Variants in ABLIM1 observed in about 807,000 individuals in gnomAD.
ABLIM1 encodes the protein actin binding LIM protein 1.
A neutral mutation model predicts 107.0 loss-of-function variants in ABLIM1; 40 were observed. The observed-to-expected ratio is 0.37, with a 90% confidence interval of 0.29 to 0.49. The LOEUF is 0.49. ABLIM1 is among the 20% of genes least tolerant of loss of function. ABLIM1 has a pLI of 0.97. For missense variants in ABLIM1, 857 were observed against 1,008.5 expected (o/e 0.85, Z 2.04); for synonymous variants, 357 against 357.3 (o/e 1.00, Z 0.01).
intron 1 of ABLIM1, among the ~76,000 whole-genome samples, chr10:114,762,787 C>T (rs2082778690): frequency 6.6e-6 from 1 of 152,014 alleles, no homozygotes; most frequent in Non-Finnish European, 1.5e-5. Flanking sequence ...TTCTAAAACA[C>T]ACTCTTTTCA....
At chr10:114,745,314 ACTTT>A in intron 1 of ABLIM1, among the ~76,000 whole-genome samples, 2 of 152,344 alleles carry the variant, frequency 1.3e-5, no homozygotes, top group East Asian at 3.9e-4. Context: ...TAATCCTAGC[ACTTT>A]GGGAGGCCAA....
intron 1 of ABLIM1, among the ~76,000 whole-genome samples, chr10:114,635,259 G>C (rs763230160): frequency 2.0e-5 from 3 of 152,224 alleles, no homozygotes; most frequent in Non-Finnish European, 2.9e-5. Flanking sequence ...AAACCATTTT[G>C]TTGGAGAGAA....
chr10:114,574,926 A>G (rs1286056875), intron 3 of ABLIM1, among the ~76,000 whole-genome samples: 1 of 152,214 alleles, frequency 6.6e-6, no homozygotes, highest in East Asian at 1.9e-4. Context: ...GCGTGGAAGC[A>G]GCTATAGGCC....
At chr10:114,646,956 G>A (rs1330494974) in intron 1 of ABLIM1, among the ~76,000 whole-genome samples, 1 of 152,020 alleles carries the variant, frequency 6.6e-6, no homozygotes, top group African/African-American at 2.4e-5. Flanking sequence ...TGACCTCAAA[G>A]ATTAGACAGT....
At chr10:114,495,430 G>A (rs772979236) in intron 6 of ABLIM1, among the ~76,000 whole-genome samples, 3 of 151,410 alleles carry the variant, frequency 2.0e-5, no homozygotes. Flanking sequence ...GATGGTGAGT[G>A]GTGCTGGGGT....
chr10:114,580,958 C>T (rs1459157573), intron 2 of ABLIM1, among the ~76,000 whole-genome samples: 5 of 152,152 alleles, frequency 3.3e-5, no homozygotes, highest in African/African-American at 1.2e-4. Context: ...TTGCTTTCTT[C>T]TGATCAATTA....
chr10:114,623,421 T>C (rs180971281), intron 1 of ABLIM1, among the ~76,000 whole-genome samples: 79 of 152,346 alleles, frequency 5.2e-4, no homozygotes, highest in African/African-American at 1.9e-3. Flanking sequence ...ATGGCTTTGT[T>C]TCATCCTGCT....
chr10:114,592,989 G>T (rs906502928), intron 2 of ABLIM1, among the ~76,000 whole-genome samples: 5 of 152,144 alleles, frequency 3.3e-5, no homozygotes, highest in Admixed American at 2.6e-4. Flanking sequence ...AATTGTCAGG[G>T]AACAGATGGT....
At chr10:114,595,410 G>A (rs544336106) in intron 2 of ABLIM1, among the ~76,000 whole-genome samples, 83 of 152,186 alleles carry the variant, frequency 5.5e-4, no homozygotes, top group African/African-American at 1.9e-3. Flanking sequence ...TTGTTTTCAG[G>A]TTTCTTATTC....
chr10:114,741,327 G>A (rs974068053), intron 1 of ABLIM1, among the ~76,000 whole-genome samples: 4 of 136,464 alleles, frequency 2.9e-5, no homozygotes, highest in African/African-American at 1.1e-4. Context: ...TCAGGTTCAT[G>A]CCATTCTCCT....
the ABLIM1 span, among the ~76,000 whole-genome samples, chr10:114,791,426 C>G: frequency 6.6e-6 from 1 of 152,112 alleles, no homozygotes; most frequent in African/African-American, 2.4e-5. Context: ...ATCACGAGGT[C>G]AGGAGATCGA....
chr10:114,685,507 A>C (rs1302237154), upstream of ABLIM1, among the ~76,000 whole-genome samples: 3 of 152,046 alleles, frequency 2.0e-5, no homozygotes, highest in Non-Finnish European at 4.4e-5. Context: ...TGGCTTTTTT[A>C]TTTTGTTTTG....
intron 12 of ABLIM1, 83 bp from the exon 13 acceptor site, chr10:114,453,566 A>G (rs1247201089): frequency 3.4e-6 from 4 of 1,181,914 alleles, no homozygotes; most frequent in Non-Finnish European, 3.5e-6. Flanking sequence ...TAAAAATTCA[A>G]AACAACAGAC....
intron 14 of ABLIM1, among the ~76,000 whole-genome samples, chr10:114,450,384 A>G (rs2061671286): frequency 6.7e-6 from 1 of 148,688 alleles, no homozygotes; most frequent in Non-Finnish European, 1.5e-5. Context: ...CGCATTTTCA[A>G]TGTTATTTGA....
At chr10:114,794,045 A>C in the ABLIM1 span, among the ~76,000 whole-genome samples, 1 of 152,180 alleles carries the variant, frequency 6.6e-6, no homozygotes, top group Admixed American at 6.5e-5. Context: ...GGCACCATGC[A>C]GTCTGGCCGC....
At chr10:114,437,807 T>C (rs1254702758) in intron 22 of ABLIM1, 37 bp downstream of exon 22, 1 of 1,553,912 alleles carries the variant, frequency 6.4e-7, no homozygotes, top group Non-Finnish European at 8.9e-7. Flanking sequence ...TGCATAGGGA[T>C]CTGCAGTTGG....
At chr10:114,477,986 T>C (rs1412637804) in intron 8 of ABLIM1, among the ~76,000 whole-genome samples, 1 of 152,202 alleles carries the variant, frequency 6.6e-6, no homozygotes, top group Non-Finnish European at 1.5e-5. Flanking sequence ...CCTCCCAAAG[T>C]GCTGGGATTA....
At chr10:114,591,417 C>T (rs939259877) in intron 2 of ABLIM1, among the ~76,000 whole-genome samples, 2 of 152,066 alleles carry the variant, frequency 1.3e-5, no homozygotes, top group Non-Finnish European at 2.9e-5. Flanking sequence ...TTATCATTTC[C>T]TCTATATATA....
chr10:114,701,582 T>TA (rs986200720), intron 1 of ABLIM1, among the ~76,000 whole-genome samples: 37 of 152,044 alleles, frequency 2.4e-4, no homozygotes, highest in Admixed American at 1.6e-3. Context: ...TACTCAGCAA[T>TA]AAAAAGGAAT....
Sources: gnomAD v4.1 joint callset for allele counts (sites outside exome capture counted in the v4.1 genomes callset) on GRCh38, gnomAD v4.1.1 for gene constraint, MANE v1.5 for transcripts, NCBI Gene and HGNC (gene_info 2026-07-23, HGNC 2026-07-21) for gene names.